The following POFUT3 variants were observed in gnomAD, a reference collection of about 807,000 sequenced individuals.
POFUT3 encodes GDP-fucose protein O-fucosyltransferase 3.
At chr8:33,378,706 G>A in the POFUT3 span, among the ~76,000 whole-genome samples, 1 of 152,102 alleles carries the variant, frequency 6.6e-6, no homozygotes, top group African/African-American at 2.4e-5. Flanking sequence ...AAAAGCTGAG[G>A]GTGGAGGAGA....
chr8:33,356,446 GT>G, the POFUT3 span, among the ~76,000 whole-genome samples: 3 of 151,950 alleles, frequency 2.0e-5, no homozygotes, highest in Non-Finnish European at 4.4e-5. Context: ...TTTTTCATGT[GT>G]TTTTTGGCTG....
At chr8:33,338,341 C>G in the POFUT3 span, among the ~76,000 whole-genome samples, 1 of 152,052 alleles carries the variant, frequency 6.6e-6, no homozygotes, top group African/African-American at 2.4e-5. Context: ...AACACCAACA[C>G]TTCTCAAACT....
At chr8:33,373,498 G>C in the POFUT3 span, among the ~76,000 whole-genome samples, 3 of 152,108 alleles carry the variant, frequency 2.0e-5, no homozygotes, top group African/African-American at 7.2e-5. Context: ...CTTGGTCCAC[G>C]CTCAGTCTTG....
the POFUT3 span, among the ~76,000 whole-genome samples, chr8:33,322,535 G>A: frequency 6.6e-6 from 1 of 152,072 alleles, no homozygotes; most frequent in African/African-American, 2.4e-5. Flanking sequence ...AAGGGATGGG[G>A]TTGTCAGGCT....
the POFUT3 span, among the ~76,000 whole-genome samples, chr8:33,419,535 C>T: frequency 1.3e-5 from 2 of 152,214 alleles, no homozygotes; most frequent in African/African-American, 4.8e-5. Flanking sequence ...GGCTCACCCG[C>T]CACTCGCCTC....
chr8:33,433,307 T>A, the POFUT3 span, among the ~76,000 whole-genome samples: 140 of 151,692 alleles, frequency 9.2e-4, 4 homozygotes, highest in South Asian at 0.027. Flanking sequence ...GAAGACCTTA[T>A]CTCTACAAAA....
At chr8:33,351,790 A>G in the POFUT3 span, among the ~76,000 whole-genome samples, 10 of 152,080 alleles carry the variant, frequency 6.6e-5, no homozygotes, top group South Asian at 2.1e-3. Flanking sequence ...AACATTACAG[A>G]GTGAGATAAA....
At chr8:33,382,665 A>G in the POFUT3 span, among the ~76,000 whole-genome samples, 1 of 152,172 alleles carries the variant, frequency 6.6e-6, no homozygotes, top group South Asian at 2.1e-4. Context: ...GTAGGAGGCA[A>G]CTGAAGACCC....
chr8:33,327,134 G>A, the POFUT3 span, among the ~76,000 whole-genome samples: 1 of 152,190 alleles, frequency 6.6e-6, no homozygotes, highest in Non-Finnish European at 1.5e-5. Context: ...GATAGGAGGT[G>A]AAGGGGAGCC....
chr8:33,344,433 CTG>C, the POFUT3 span, among the ~76,000 whole-genome samples: 1 of 152,206 alleles, frequency 6.6e-6, no homozygotes, highest in Non-Finnish European at 1.5e-5. Flanking sequence ...GAGGATCTGA[CTG>C]GTGTAAGCAG....
chr8:33,317,416 GT>G, the POFUT3 span, among the ~76,000 whole-genome samples: 1 of 152,094 alleles, frequency 6.6e-6, no homozygotes, highest in African/African-American at 2.4e-5. Flanking sequence ...CTGACCCCAA[GT>G]TTTTAGACAA....
chr8:33,425,225 T>C, the POFUT3 span, among the ~76,000 whole-genome samples: 4 of 151,980 alleles, frequency 2.6e-5, no homozygotes, highest in East Asian at 1.9e-4. Flanking sequence ...TCCTAACTAA[T>C]TGGGAAGCTG....
At chr8:33,338,174 G>T in the POFUT3 span, among the ~76,000 whole-genome samples, 1 of 152,158 alleles carries the variant, frequency 6.6e-6, no homozygotes, top group African/African-American at 2.4e-5. Flanking sequence ...TGAGGTAGTG[G>T]AGGTTAGGGC....
At chr8:33,453,419 T>C in the POFUT3 span, 3 of 1,613,986 alleles carry the variant, frequency 1.9e-6, no homozygotes, top group Admixed American at 5.0e-5. Flanking sequence ...TGAATTAAGA[T>C]GCGTAGGTGC....
chr8:33,367,394 T>G, the POFUT3 span, among the ~76,000 whole-genome samples: 1 of 152,238 alleles, frequency 6.6e-6, no homozygotes, highest in Non-Finnish European at 1.5e-5. Context: ...CATCCCTTCG[T>G]TTCCCGTAAG....
At chr8:33,379,834 T>TA in the POFUT3 span, among the ~76,000 whole-genome samples, 232 of 71,036 alleles carry the variant, frequency 3.3e-3, 5 homozygotes, top group African/African-American at 0.012. Context: ...AGACTCTGTC[T>TA]AAAAAAAAAA....
chr8:33,412,812 GA>G, the POFUT3 span, among the ~76,000 whole-genome samples: 1 of 152,094 alleles, frequency 6.6e-6, no homozygotes, highest in South Asian at 2.1e-4. Flanking sequence ...ATTTTTAGTA[GA>G]AACGAGGTTT....
the POFUT3 span, among the ~76,000 whole-genome samples, chr8:33,462,286 G>A: frequency 1.3e-5 from 2 of 152,030 alleles, no homozygotes; most frequent in Non-Finnish European, 2.9e-5. Context: ...TCTGCCATCA[G>A]AAGACTGAAT....
the POFUT3 span, among the ~76,000 whole-genome samples, chr8:33,352,832 C>A: frequency 1.3e-5 from 2 of 152,148 alleles, no homozygotes; most frequent in Non-Finnish European, 2.9e-5. Flanking sequence ...CCATGGCTAT[C>A]CTCATATCAG....
Sources: gnomAD v4.1 joint callset for allele counts (sites outside exome capture counted in the v4.1 genomes callset) on GRCh38, gnomAD v4.1.1 for gene constraint, MANE v1.5 for transcripts, NCBI Gene and HGNC (gene_info 2026-07-23, HGNC 2026-07-21) for gene names.